The following DCAF8L2 variants were observed in gnomAD, a reference collection of about 807,000 sequenced individuals.
DCAF8L2 encodes DDB1 and CUL4 associated factor 8 like 2, also known as DDB1- and CUL4-associated factor 8-like protein 2.
For missense variants in DCAF8L2, 430 were observed against 490.7 expected (o/e 0.88, Z 1.17); for synonymous variants, 200 against 190.9 (o/e 1.05, Z -0.39).
intron 1 of DCAF8L2, among the ~76,000 whole-genome samples, chrX:27,596,959 A>G (rs1232755449): frequency 1.8e-5 from 2 of 111,313 alleles, no homozygotes; most frequent in Non-Finnish European, 3.8e-5. Flanking sequence ...CAGCTAAAAT[A>G]ATTGTATTTG....
chrX:27,524,478 C>A, the DCAF8L2 span, among the ~76,000 whole-genome samples: 3 of 110,778 alleles, frequency 2.7e-5, no homozygotes, highest in African/African-American at 9.8e-5. Flanking sequence ...TTCAAAAAAC[C>A]AGCTCCTGGA....
At chrX:27,593,233 C>T (rs956397277) in intron 1 of DCAF8L2, among the ~76,000 whole-genome samples, 3 of 111,908 alleles carry the variant, frequency 2.7e-5, no homozygotes, top group Admixed American at 1.9e-4. Context: ...TCCCTTTGCC[C>T]TTCCTCCCAC....
chrX:27,547,663 A>T, the DCAF8L2 span, among the ~76,000 whole-genome samples: 1 of 110,780 alleles, frequency 9.0e-6, no homozygotes, highest in African/African-American at 3.3e-5. Flanking sequence ...CTCACTCAAA[A>T]TCGGGAGAAC....
the DCAF8L2 span, among the ~76,000 whole-genome samples, chrX:27,561,812 A>G: frequency 9.0e-6 from 1 of 111,579 alleles, no homozygotes; most frequent in Non-Finnish European, 1.9e-5. Context: ...TTATTTATCC[A>G]TTCATTAGTT....
the DCAF8L2 span, among the ~76,000 whole-genome samples, chrX:27,573,735 T>A: frequency 3.6e-5 from 4 of 111,675 alleles, 1 homozygote; most frequent in East Asian, 1.1e-3. Context: ...ATTTCAGGAA[T>A]CAGCAAGCGC....
chrX:27,606,358 A>T (rs777356446), intron 1 of DCAF8L2, among the ~76,000 whole-genome samples: 2,532 of 37,703 alleles, frequency 0.067, 132 homozygotes, highest in Non-Finnish European at 0.091. Context: ...TATATCTAGG[A>T]ATATATATAT....
chrX:27,698,730 T>TA (rs1041969761), intron 3 of DCAF8L2, among the ~76,000 whole-genome samples: 5 of 111,496 alleles, frequency 4.5e-5, no homozygotes, highest in Non-Finnish European at 7.5e-5. Flanking sequence ...GTCTGACTTT[T>TA]AAAAAAAATG....
At chrX:27,500,634 G>A in the DCAF8L2 span, among the ~76,000 whole-genome samples, 1 of 111,752 alleles carries the variant, frequency 8.9e-6, no homozygotes, top group Non-Finnish European at 1.9e-5. Context: ...GGGCTAAAAC[G>A]TTTATTAAAA....
chrX:27,653,125 G>T (rs1432491452), intron 2 of DCAF8L2, among the ~76,000 whole-genome samples: 1 of 111,892 alleles, frequency 8.9e-6, no homozygotes, highest in African/African-American at 3.2e-5. Context: ...GCACTGCGTG[G>T]AATGGTGAGG....
rs778768422 is a variant in DCAF8L2 at position 27,600,700 on chromosome X, T to A, written c.-342+10260T>A. ...CTGTCCTGTATAACAACCAACAAGT[T>A]GATTTAGCTTTGTGAGAATTATACG... is the stretch of plus-strand genomic sequence containing the variant. On this transcript the variant is annotated intron_variant, in intron 1 of 4. Coordinates refer to ENST00000451261, the MANE Select transcript of DCAF8L2 (RefSeq NM_001353450.2). Among the ~76,000 whole-genome samples the A allele has an allele frequency of 1.1e-4, 12 of 112,038 alleles. No individual in the cohort carries two copies. In the South Asian group the frequency reaches 3.7e-3, roughly 35 times the overall value.
chrX:27,563,523 A>G, the DCAF8L2 span, among the ~76,000 whole-genome samples: 1 of 112,218 alleles, frequency 8.9e-6, no homozygotes, highest in Non-Finnish European at 1.9e-5. Context: ...GACTCTTTCA[A>G]TATTCAATCC....
intron 1 of DCAF8L2, among the ~76,000 whole-genome samples, chrX:27,592,417 G>GTTTTTTTTTTTTTTTTTGTTTTTTT (rs1248208449): frequency 1.2e-5 from 1 of 83,951 alleles, no homozygotes; most frequent in Non-Finnish European, 2.2e-5. Context: ...GTTTGTTTTT[G>GTTTTTTTTTTTTTTTTTGTTTTTTT]TTTTTTTTTT....
the DCAF8L2 span, among the ~76,000 whole-genome samples, chrX:27,562,261 ACATTGCACCTGCTAGGGCATTTCTAGTG>A: frequency 8.9e-6 from 1 of 112,698 alleles, no homozygotes; most frequent in Non-Finnish European, 1.9e-5. Context: ...CATTTCTAGT[ACATTGCACCTGCTAGGGCATTTCTAGTG>A]CATTGCACCT....
chrX:27,533,852 G>A, the DCAF8L2 span, among the ~76,000 whole-genome samples: 6 of 112,170 alleles, frequency 5.3e-5, no homozygotes, highest in Non-Finnish European at 9.4e-5. Context: ...TTTTTATAAT[G>A]GATGTTAAGG....
chrX:27,495,609 G>A, the DCAF8L2 span, among the ~76,000 whole-genome samples: 1 of 111,750 alleles, frequency 8.9e-6, no homozygotes, highest in African/African-American at 3.2e-5. Context: ...CTGATCCCCA[G>A]TTGAAGGACA....
At chrX:27,518,171 C>T in the DCAF8L2 span, 121 of 900,441 alleles carry the variant, frequency 1.3e-4, no homozygotes, top group African/African-American at 2.2e-3. Context: ...ATATATTGCC[C>T]GCCAGAAACT....
chrX:27,746,489 G>C (rs900664984), intron 4 of DCAF8L2, among the ~76,000 whole-genome samples: 3 of 111,718 alleles, frequency 2.7e-5, no homozygotes, highest in Non-Finnish European at 3.8e-5. Context: ...ACACTGAGAG[G>C]CTTCTAAAAA....
chrX:27,522,228 T>C, the DCAF8L2 span, among the ~76,000 whole-genome samples: 1 of 111,758 alleles, frequency 8.9e-6, no homozygotes, highest in Non-Finnish European at 1.9e-5. Flanking sequence ...GTTTTCTCCA[T>C]GTTGGTCAGG....
At chrX:27,720,414 CG>C (rs1350298587) in intron 4 of DCAF8L2, among the ~76,000 whole-genome samples, 1 of 110,682 alleles carries the variant, frequency 9.0e-6, no homozygotes, top group African/African-American at 3.3e-5. Flanking sequence ...TCGCCTAGGC[CG>C]GACTGCGGAC....
Sources: gnomAD v4.1 joint callset for allele counts (sites outside exome capture counted in the v4.1 genomes callset) on GRCh38, gnomAD v4.1.1 for gene constraint, MANE v1.5 for transcripts, NCBI Gene and HGNC (gene_info 2026-07-23, HGNC 2026-07-21) for gene names.